The following RNF216 variants were observed in gnomAD, a reference collection of about 807,000 sequenced individuals.
The protein encoded by RNF216 is ring finger protein 216.
RNF216 carries 72 observed loss-of-function variants against 110.8 expected under a neutral mutation model. The observed-to-expected ratio is 0.65, with a 90% CI of 0.54 to 0.79. The LOEUF is 0.79. Ranked by LOEUF, RNF216 falls within the 30% of genes least tolerant of loss-of-function variation. The pLI is 0.00. For missense variants in RNF216, 1,342 were observed against 1,141.2 expected, an observed-to-expected ratio of 1.18 and a Z score of -2.54; for synonymous variants, 495 against 407.5, an observed-to-expected ratio of 1.21 and a Z score of -2.59.
intron 1 of RNF216, among the ~76,000 whole-genome samples, chr7:5,767,891 T>G (rs1400854844): frequency 1.3e-5 from 2 of 152,012 alleles, no homozygotes; most frequent in Non-Finnish European, 2.9e-5. Context: ...GAGCCACAAC[T>G]CCCAGCCTGT....
chr7:5,748,607 TACATACACACAC>T lies in RNF216; in HGVS notation c.201+4227_201+4238del, dbSNP rs1303903044. Reference sequence around the variant, plus strand: ...ATAAGAATGCAGTATATTTTTTATATACATACACACACACACACACACACACACACACACACA... The same window carrying T: ...ATAAGAATGCAGTATATTTTTTATATACACACACACACACACACACACACA... On this transcript the variant is annotated intron_variant, in intron 3 of 16. Transcript: ENST00000389902. Among the ~76,000 whole-genome samples, 103 of 97,394 alleles carry T rather than the reference TACATACACACAC, an allele frequency of 1.1e-3. 1 individual carries two copies. The highest frequency in any genetic ancestry group is 6.5e-3 in the South Asian group (19 of 2,906). The allele number at this position is 97,394 out of a possible 152,430, so 63.9% of individuals were successfully genotyped here.
At chr7:5,709,860 T>C (rs1049771854) in intron 13 of RNF216, among the ~76,000 whole-genome samples, 3 of 152,184 alleles carry the variant, frequency 2.0e-5, no homozygotes, top group East Asian at 1.9e-4. Flanking sequence ...GCTCAACTGA[T>C]TGTCCTGCCT....
chr7:5,668,576 G>A (rs1459503761), intron 13 of RNF216, among the ~76,000 whole-genome samples: 4 of 152,158 alleles, frequency 2.6e-5, no homozygotes, highest in African/African-American at 7.2e-5. Context: ...GACAAAAAGG[G>A]AAGCCTCTCA....
intron 13 of RNF216, among the ~76,000 whole-genome samples, chr7:5,685,563 C>T (rs1189700947): frequency 6.6e-6 from 1 of 152,190 alleles, no homozygotes. Context: ...ATTACTTTTT[C>T]CTCTTTCCTC....
intron 14 of RNF216, among the ~76,000 whole-genome samples, chr7:5,651,933 C>T (rs1562790878): frequency 1.3e-5 from 2 of 152,192 alleles, no homozygotes; most frequent in Non-Finnish European, 2.9e-5. Context: ...AGGCGTGAGC[C>T]ACTGCGCCTG....
intron 5 of RNF216, among the ~76,000 whole-genome samples, chr7:5,733,502 T>G (rs1449250673): frequency 1.3e-5 from 2 of 152,164 alleles, no homozygotes; most frequent in African/African-American, 4.8e-5. Flanking sequence ...TTGAATATAC[T>G]CAATTTCTAT....
chr7:5,721,151 C>T lies in RNF216; in HGVS notation c.1526G>A (p.Arg509Lys). The change falls in exon 9 of 17, where the codon AGG becomes AAG. Residue 509 changes from arginine to lysine, a missense_variant. Physicochemically the swap from Arg to Lys is conservative, Grantham distance 26. Coordinates refer to ENST00000389902, the MANE Select transcript of RNF216 (RefSeq NM_207111.4). The part of the protein sequence containing the change: ...FEQGDIKIEK[R>K]MFFLENKRRH... ...TCGCTTATTTTCAAGAAAGAACATC[C>T]TCTTTTCTATTTTTATGTCACCTAG... The T allele has an allele frequency of 6.2e-7, 1 of 1,614,064 alleles. No homozygotes were observed. The highest frequency in any genetic ancestry group is 2.2e-5 in the East Asian group (1 of 44,880).
At chr7:5,712,904 C>T in intron 11 of RNF216, 41 bp from the exon 12 acceptor site, 2 of 1,566,586 alleles carry the variant, frequency 1.3e-6, no homozygotes, top group Non-Finnish European at 1.7e-6. Context: ...AAATCAATAC[C>T]ATTTATAGAA....
chr7:5,661,470 C>T (rs952134270), intron 13 of RNF216, among the ~76,000 whole-genome samples: 1 of 152,194 alleles, frequency 6.6e-6, no homozygotes, highest in Non-Finnish European at 1.5e-5. Flanking sequence ...TTCACAGCAA[C>T]TCTACAGGGA....
chr7:5,735,557 A>T (rs1794346781), intron 5 of RNF216, among the ~76,000 whole-genome samples: 2 of 152,216 alleles, frequency 1.3e-5, no homozygotes, highest in Non-Finnish European at 2.9e-5. Context: ...AGTTAAAAGG[A>T]GATTACACTC....
At chr7:5,752,529 A>G (rs1327090088) in intron 3 of RNF216, among the ~76,000 whole-genome samples, 1 of 152,216 alleles carries the variant, frequency 6.6e-6, no homozygotes, top group African/African-American at 2.4e-5. Flanking sequence ...ATCCAGGATG[A>G]TTCTGAAAAA....
rs1357738752 is a variant in RNF216 at position 5,716,703 on chromosome 7, G to A, written c.1695+13C>T. On this transcript the variant is annotated intron_variant, in intron 10 of 16. Coordinates refer to ENST00000389902, the MANE Select transcript of RNF216 (RefSeq NM_207111.4). ...AAAATGCCCAGAATAAACAAGGTGAGATTTCAAACTACCTTTTGATACTGT... is the reference window on the plus strand; with the variant it reads ...AAAATGCCCAGAATAAACAAGGTGAAATTTCAAACTACCTTTTGATACTGT... The A allele has an allele frequency of 1.3e-6, 2 of 1,574,850 alleles. No individual in the cohort carries two copies. Among genetic ancestry groups the A allele is most frequent in the East Asian group, 2.3e-5 (1 of 43,584 alleles).
chr7:5,694,042 T>C (rs1410686276), intron 13 of RNF216, among the ~76,000 whole-genome samples: 1 of 152,190 alleles, frequency 6.6e-6, no homozygotes, highest in East Asian at 1.9e-4. Flanking sequence ...CCAGGCATCA[T>C]GGGTTTATTC....
chr7:5,647,804 C>T (rs1465044539), intron 14 of RNF216, among the ~76,000 whole-genome samples: 1 of 152,170 alleles, frequency 6.6e-6, no homozygotes, highest in Non-Finnish European at 1.5e-5. Flanking sequence ...TTTATCCCCT[C>T]TTCTCCATTT....
intron 13 of RNF216, among the ~76,000 whole-genome samples, chr7:5,670,908 G>A (rs139388908): frequency 6.6e-6 from 1 of 152,308 alleles, no homozygotes; most frequent in African/African-American, 2.4e-5. Flanking sequence ...CAGGACTCAA[G>A]GTCTTCCCAA....
chr7:5,675,921 C>T (rs1467840876), intron 13 of RNF216, among the ~76,000 whole-genome samples: 2 of 151,958 alleles, frequency 1.3e-5, no homozygotes, highest in East Asian at 3.9e-4. Context: ...GTTGGTCAGG[C>T]TGGTCTTGAA....
At chr7:5,646,364 A>G (rs994401135) in intron 14 of RNF216, among the ~76,000 whole-genome samples, 5 of 150,568 alleles carry the variant, frequency 3.3e-5, no homozygotes. Flanking sequence ...ACAAGGCGAG[A>G]CTCCATCCCA....
chr7:5,636,646 G>A (rs1019380366), intron 15 of RNF216, among the ~76,000 whole-genome samples: 6 of 152,176 alleles, frequency 3.9e-5, no homozygotes, highest in African/African-American at 1.4e-4. Context: ...GTTGGAATTC[G>A]ATCGGTCTCC....
chr7:5,737,770 A>T (rs1247643912), intron 5 of RNF216, among the ~76,000 whole-genome samples: 1 of 152,090 alleles, frequency 6.6e-6, no homozygotes, highest in East Asian at 1.9e-4. Flanking sequence ...CTTTGGGGAA[A>T]GGTGTTTAGT....
Sources: gnomAD v4.1 joint callset for allele counts (sites outside exome capture counted in the v4.1 genomes callset) on GRCh38, gnomAD v4.1.1 for gene constraint, MANE v1.5 for transcripts, NCBI Gene and HGNC (gene_info 2026-07-23, HGNC 2026-07-21) for gene names.